The following EMILIN2 variants were observed in gnomAD, a reference collection of about 807,000 sequenced individuals.
The protein encoded by EMILIN2 is EMILIN-2.
A neutral mutation model predicts 87.1 loss-of-function variants in EMILIN2; 71 were observed. The ratio of observed to expected loss-of-function variants is 0.82; its 90% CI spans 0.67 to 0.99. EMILIN2 has a LOEUF of 0.99. EMILIN2 is among the 50% of genes least tolerant of loss of function. The pLI, the probability that EMILIN2 is intolerant of heterozygous loss-of-function variation, is 0.00. For missense variants in EMILIN2, 1,407 were observed against 1,371.8 expected (o/e 1.03, Z -0.40); for synonymous variants, 581 against 563.4 (o/e 1.03, Z -0.44).
chr18:2,876,742 G>C (rs2076750922), intron 2 of EMILIN2, among the ~76,000 whole-genome samples: 2 of 152,042 alleles, frequency 1.3e-5, no homozygotes, highest in African/African-American at 4.8e-5. Context: ...CTCCAGCCTG[G>C]GAGACAGAGT....
chr18:2,855,573 T>C (rs1033838616), intron 2 of EMILIN2, among the ~76,000 whole-genome samples: 3 of 152,216 alleles, frequency 2.0e-5, no homozygotes, highest in Non-Finnish European at 2.9e-5. Flanking sequence ...GTTAAAATCC[T>C]GAGGTAGCCG....
Position 2,885,127 on chromosome 18 carries a change from A to T in EMILIN2, c.421A>T (p.Lys141Ter). The change falls in exon 3 of 8, where the codon AAG (lysine) becomes TAG (stop). Residue 141 changes from lysine to a stop codon, truncating the protein, a stop_gained. Coordinates refer to ENST00000254528, the MANE Select transcript of EMILIN2 (RefSeq NM_032048.3). LOFTEE classifies it high-confidence loss of function. ...GCCGGCTCGGCCTCGAAACAGCTTG[A>T]AGAAAGCCACAGGTAACTTCTTATT... ...PTPARPRNSL[K>*]KATDNEPSQF... 1 of 1,604,900 alleles carries T rather than the reference A, an allele frequency of 6.2e-7. No homozygotes were observed. Among genetic ancestry groups the T allele is most frequent in the African/African-American group, 1.3e-5 (1 of 74,546 alleles).
chr18:2,874,447 A>C (rs1186782853), intron 2 of EMILIN2, among the ~76,000 whole-genome samples: 4 of 152,104 alleles, frequency 2.6e-5, no homozygotes, highest in Non-Finnish European at 5.9e-5. Context: ...AGAATGGGGA[A>C]AATAACTTTG....
In EMILIN2 at chr18:2,885,049, G is replaced by C; in HGVS notation, c.343G>C (p.Gly115Arg). The part of the protein sequence containing the change: ...LEWRCCPGFR[G>R]GDCQEGPKDP... ...ATGGAGGTGCTGTCCTGGCTTTAGAGGGGGAGATTGCCAAGAAGGTCCCAA... is the reference window on the plus strand; with the variant it reads ...ATGGAGGTGCTGTCCTGGCTTTAGACGGGGAGATTGCCAAGAAGGTCCCAA... Residue 115 changes from glycine (G) to arginine (R), a missense_variant, in exon 3 of 8, where the codon GGG becomes CGG. Physicochemically the swap from Gly to Arg is moderately radical, Grantham distance 125 (BLOSUM62 -2). Transcript: ENST00000254528. 1 of 1,613,802 alleles carries C rather than the reference G, an allele frequency of 6.2e-7. No homozygotes were observed. The highest frequency in any genetic ancestry group is 8.5e-7 in the Non-Finnish European group (1 of 1,179,870).
chr18:2,885,052 G>A lies in EMILIN2; in HGVS notation c.346G>A (p.Gly116Arg), dbSNP rs1739381320. 1 of 1,613,796 alleles carries A rather than the reference G, an allele frequency of 6.2e-7. No individual in the cohort carries two copies. The highest frequency in any genetic ancestry group is 8.5e-7 in the Non-Finnish European group (1 of 1,179,886). Residue 116 changes from glycine to arginine, a missense_variant, in exon 3 of 8, where the codon GGA becomes AGA. Coordinates refer to ENST00000254528, the MANE Select transcript of EMILIN2 (RefSeq NM_032048.3). ...GAGGTGCTGTCCTGGCTTTAGAGGGGGAGATTGCCAAGAAGGTCCCAAAGA... is the reference window on the plus strand; with the variant it reads ...GAGGTGCTGTCCTGGCTTTAGAGGGAGAGATTGCCAAGAAGGTCCCAAAGA... The part of the protein sequence containing the change: ...EWRCCPGFRG[G>R]DCQEGPKDPV...
chr18:2,881,032 C>A (rs1216135543), intron 2 of EMILIN2, among the ~76,000 whole-genome samples: 1 of 152,186 alleles, frequency 6.6e-6, no homozygotes, highest in Non-Finnish European at 1.5e-5. Context: ...GCTCCCCATC[C>A]TCTAGGAAAG....
In EMILIN2 at chr18:2,906,985, C is replaced by T. The variant is rs554651277; in HGVS notation, c.2562C>T (p.Pro854=). 4 of 1,375,974 alleles carry T rather than the reference C, an allele frequency of 2.9e-6. No individual in the cohort carries two copies. The highest frequency in any genetic ancestry group is 5.8e-5 in the Admixed American group (2 of 34,778). The allele number at this position is 1,375,974 out of a possible 1,614,324, so 85.2% of individuals were successfully genotyped here. The change falls in exon 5 of 8, where the codon CCC becomes CCT. Residue 854 remains proline (P), a synonymous_variant. Transcript: ENST00000254528. Reference sequence around the variant, plus strand: ...CGGAGACGGGCCAGGCCGGGCCCCCCGCAGGCGCAGGCGTGTCTGGGCGGG... The same window carrying T: ...CGGAGACGGGCCAGGCCGGGCCCCCTGCAGGCGCAGGCGTGTCTGGGCGGG... The part of the protein sequence containing the change: ...VIAETGQAGP[P]AGAGVSGRGL...
chr18:2,910,319 C>T (rs2076934687), intron 7 of EMILIN2, among the ~76,000 whole-genome samples: 2 of 152,326 alleles, frequency 1.3e-5, no homozygotes, highest in Admixed American at 1.3e-4. Context: ...GCAACAGAAT[C>T]CCTTCAGCTG....
At chr18:2,899,910 G>A (rs2076881006) in intron 4 of EMILIN2, among the ~76,000 whole-genome samples, 1 of 152,222 alleles carries the variant, frequency 6.6e-6, no homozygotes, top group African/African-American at 2.4e-5. Flanking sequence ...TTACTTTCCA[G>A]CTCAAATGTA....
intron 4 of EMILIN2, among the ~76,000 whole-genome samples, chr18:2,897,136 A>G (rs1011902116): frequency 2.6e-5 from 4 of 152,230 alleles, no homozygotes; most frequent in Non-Finnish European, 5.9e-5. Flanking sequence ...AAGCGAGGGT[A>G]GGAATGAGAT....
intron 2 of EMILIN2, among the ~76,000 whole-genome samples, chr18:2,873,924 T>C (rs535306733): frequency 1.3e-5 from 2 of 152,278 alleles, no homozygotes; most frequent in East Asian, 3.9e-4. Context: ...TGAACCACTC[T>C]GGGTTGGCCG....
At chr18:2,858,543 A>ATGTG (rs1485556382) in intron 2 of EMILIN2, among the ~76,000 whole-genome samples, 1 of 38,870 alleles carries the variant, frequency 2.6e-5, no homozygotes, top group African/African-American at 1.6e-4. Context: ...ATATATATAT[A>ATGTG]TATATATATA....
In EMILIN2 at chr18:2,894,046, C is replaced by T. The variant is rs1294090241; in HGVS notation, c.2359+1560C>T. ...CCTTGCCTTTGGGACTTTTACCTCC[C>T]TGACCTGGTTCCGCTCTGGGTGACA... On this transcript the variant is annotated intron_variant, in intron 4 of 7. Transcript: ENST00000254528. This position sits in a 1 kb window ranked among gnomAD's most constrained non-coding sequence, Gnocchi z 5.0. Among the ~76,000 whole-genome samples the T allele has an allele frequency of 6.6e-6, 1 of 152,182 alleles. No homozygotes were observed. Among genetic ancestry groups the T allele is most frequent in the Non-Finnish European group, 1.5e-5 (1 of 68,040 alleles).
Position 2,915,923 on chromosome 18 carries a change from C to T in EMILIN2, c.*2519C>T, listed in dbSNP as rs1027310806. 2.6e-5 allele frequency: 4 copies of T among 152,202 alleles called. No homozygotes were observed. Among genetic ancestry groups the T allele is most frequent in the Admixed American group, 1.3e-4 (2 of 15,282 alleles). The allele number at this position is 152,202 out of a possible 1,614,324, so 9.4% of individuals were successfully genotyped here. A position where few individuals can be genotyped will look rare whatever the true frequency, so the allele number is the denominator to read the frequency against. On this transcript the variant is annotated 3_prime_UTR_variant, in exon 8 of 8. Transcript: ENST00000254528. The stretch of plus-strand genomic sequence containing the variant: ...ATCCCCTCCAAACCTCCATGTAACA[C>T]TAACAAATGGCCTCATTTACACGAT...
At chr18:2,902,459 A>G (rs1378146084) in intron 4 of EMILIN2, among the ~76,000 whole-genome samples, 5 of 152,156 alleles carry the variant, frequency 3.3e-5, no homozygotes, top group Non-Finnish European at 7.4e-5. Context: ...GGCCAATCCA[A>G]GAAGGCTTCA....
chr18:2,850,600 G>A (rs2076596873), intron 2 of EMILIN2, among the ~76,000 whole-genome samples: 1 of 151,814 alleles, frequency 6.6e-6, no homozygotes, highest in Non-Finnish European at 1.5e-5. Flanking sequence ...TTTAGGGATG[G>A]GGTCTCACTA....
chr18:2,866,201 G>A (rs1490316390), intron 2 of EMILIN2, among the ~76,000 whole-genome samples: 1 of 152,184 alleles, frequency 6.6e-6, no homozygotes. Context: ...CACTGAGTGT[G>A]CTGCACCCAC....
At chr18:2,908,884 G>T (rs2076927422) in intron 5 of EMILIN2, 59 bp from the exon 6 acceptor site, 3 of 1,606,848 alleles carry the variant, frequency 1.9e-6, no homozygotes, top group Non-Finnish European at 2.6e-6. Context: ...AGGGGGCTCA[G>T]AACAAGGAGC....
intron 2 of EMILIN2, among the ~76,000 whole-genome samples, chr18:2,872,752 A>G (rs1259583069): frequency 1.3e-5 from 2 of 152,234 alleles, no homozygotes; most frequent in African/African-American, 4.8e-5. Flanking sequence ...ACTATAGAGA[A>G]GAGTTTGGTG....
Sources: gnomAD v4.1 joint callset for allele counts (sites outside exome capture counted in the v4.1 genomes callset) on GRCh38, gnomAD v4.1.1 for gene constraint, Gnocchi (gnomAD v3.1) non-coding constraint, MANE v1.5 for transcripts, NCBI Gene and HGNC (gene_info 2026-07-23, HGNC 2026-07-21) for gene names.